PLXNA1: variants seen among roughly 807,000 people sequenced by gnomAD.
PLXNA1 encodes plexin A1.
Under a neutral mutation model 191.7 loss-of-function variants are expected in PLXNA1, and 77 were observed. The observed-to-expected ratio is 0.40, with a 90% CI of 0.33 to 0.49. PLXNA1 has a LOEUF of 0.49. Ranked by LOEUF, PLXNA1 falls within the 20% of genes least tolerant of loss-of-function variation. The pLI is 0.63. For missense variants in PLXNA1, 2,110 were observed against 2,660.2 expected, an observed-to-expected ratio of 0.79 and a Z score of 4.55; for synonymous variants, 1,137 against 1,156.4, an observed-to-expected ratio of 0.98 and a Z score of 0.34.
At chr3:127,028,111 GGGTGCCCT>G in intron 24 of PLXNA1, 25 bp downstream of exon 24, 1 of 1,613,736 alleles carries the variant, frequency 6.2e-7, no homozygotes, top group African/African-American at 1.3e-5. Flanking sequence ...CCTCTGTCCT[GGGTGCCCT>G]GGTGCCCCCC....
At chr3:127,001,338 G>T (rs1175456287) in intron 3 of PLXNA1, among the ~76,000 whole-genome samples, 2 of 152,176 alleles carry the variant, frequency 1.3e-5, no homozygotes, top group Non-Finnish European at 2.9e-5. Flanking sequence ...GGCTGTTGGG[G>T]AGGTGGGTCA....
At chr3:127,013,239 C>T (rs1180882247) in intron 10 of PLXNA1, among the ~76,000 whole-genome samples, 2 of 152,342 alleles carry the variant, frequency 1.3e-5, no homozygotes, top group African/African-American at 4.8e-5. Context: ...CTGCACTTTC[C>T]ACCTGCGTCT....
In PLXNA1 at chr3:127,007,822, C is replaced by A; in HGVS notation, c.2021C>A (p.Ser674Tyr). The part of the protein sequence containing the change: ...HQSCLSCVNG[S>Y]FPCHWCKYRH... Reference sequence around the variant, plus strand: ...AGCTGCCTGTCCTGTGTCAACGGCTCCTTTCCCTGCCACTGGTGCAAATAC... The same window carrying A: ...AGCTGCCTGTCCTGTGTCAACGGCTACTTTCCCTGCCACTGGTGCAAATAC... The change falls in exon 9 of 32, where the codon TCC becomes TAC. Residue 674 changes from serine to tyrosine, a missense_variant. Transcript: ENST00000393409. 6.2e-7 allele frequency: 1 copy of A among 1,612,894 alleles called. No homozygotes were observed. Among genetic ancestry groups the A allele is most frequent in the South Asian group, 1.1e-5 (1 of 90,900 alleles).
At chr3:126,993,322 C>G (rs1380247848) in intron 3 of PLXNA1, among the ~76,000 whole-genome samples, 1 of 152,228 alleles carries the variant, frequency 6.6e-6, no homozygotes, top group Admixed American at 6.5e-5. Flanking sequence ...ATTCCTTCTC[C>G]CAATTTTCCC....
chr3:127,007,185 A>G (rs11927964), intron 8 of PLXNA1, among the ~76,000 whole-genome samples: 5,112 of 152,104 alleles, frequency 0.034, 284 homozygotes, highest in African/African-American at 0.11. Context: ...GAGGAGATGG[A>G]GGTGGTGTCT....
At chr3:127,005,345 T>C (rs753616251) in intron 7 of PLXNA1, 102 bp downstream of exon 7, 3 of 1,375,436 alleles carry the variant, frequency 2.2e-6, no homozygotes, top group Non-Finnish European at 2.9e-6. Flanking sequence ...TCCAAGGGCA[T>C]GTTGGTGACA....
intron 2 of PLXNA1, among the ~76,000 whole-genome samples, chr3:126,990,980 C>G (rs1197106141): frequency 6.6e-6 from 1 of 152,140 alleles, no homozygotes; most frequent in Non-Finnish European, 1.5e-5. Flanking sequence ...TAGCCCTGGC[C>G]CAGCCTCCCC....
At chr3:127,019,246 A>G (rs1331242273) in intron 20 of PLXNA1, among the ~76,000 whole-genome samples, 2 of 150,876 alleles carry the variant, frequency 1.3e-5, no homozygotes, top group Non-Finnish European at 3.0e-5. Context: ...ACTGGGACTC[A>G]ACTGGGATGG....
chr3:127,001,016 C>G (rs1251688853), intron 3 of PLXNA1, among the ~76,000 whole-genome samples: 1 of 152,124 alleles, frequency 6.6e-6, no homozygotes, highest in Non-Finnish European at 1.5e-5. Context: ...GGCGGATGGA[C>G]AGCTGGACGC....
At chr3:127,007,958 A>G in intron 9 of PLXNA1, 45 bp downstream of exon 9, 2 of 1,370,950 alleles carry the variant, frequency 1.5e-6, no homozygotes, top group Non-Finnish European at 2.1e-6. Context: ...GAGGTGGAGC[A>G]GAACTGGGTT....
Position 127,018,307 on chromosome 3 carries a change from G to A in PLXNA1, c.3674G>A (p.Gly1225Asp), listed in dbSNP as rs747216583. ...ACCCACTGGCAGGTGCGGGCAGGTG[G>A]CTTCGAGTTCTCGCCAGGGACACTG... Reference protein sequence around the residue: ...GQHKVTVRAGGFEFSPGTLQV... With the variant: ...GQHKVTVRAGDFEFSPGTLQV... The change falls in exon 20 of 32, where the codon GGC becomes GAC. Residue 1225 changes from glycine (G) to aspartate (D), a missense_variant. By Grantham distance (94) the Gly-to-Asp change is moderately conservative (BLOSUM62 -1). Around this residue, in one of 4 missense-constraint regions of PLXNA1, gnomAD observed 644 missense variants for 714.3 expected, o/e 0.90. Coordinates refer to ENST00000393409, the MANE Select transcript of PLXNA1 (RefSeq NM_032242.4). 6.2e-7 allele frequency: 1 copy of A among 1,604,320 alleles called. No homozygotes were observed. The highest frequency in any genetic ancestry group is 8.5e-7 in the Non-Finnish European group (1 of 1,175,686).
At position 127,016,800 on chromosome 3, in the gene PLXNA1, C is replaced by T. The variant is rs893654973; in HGVS notation, c.3182+116C>T. ...TCCTGCATGCCGGGTACTATCCTGCCGGGAAGCACCCCTTGCCAAGAGCTT... is the reference window on the plus strand; with the variant it reads ...TCCTGCATGCCGGGTACTATCCTGCTGGGAAGCACCCCTTGCCAAGAGCTT... On this transcript the variant is annotated intron_variant, in intron 16 of 31. Coordinates refer to ENST00000393409, the MANE Select transcript of PLXNA1 (RefSeq NM_032242.4). 128 of 1,388,018 alleles carry T rather than the reference C, an allele frequency of 9.2e-5. 2 individuals are homozygous for T. Among genetic ancestry groups the T allele is most frequent in the South Asian group, 7.3e-4 (57 of 78,254 alleles). The allele number at this position is 1,388,018 out of a possible 1,614,324, so 86.0% of individuals were successfully genotyped here. A position where few individuals can be genotyped will look rare whatever the true frequency, so the allele number is the denominator to read the frequency against.
rs1447556791 is a variant in PLXNA1, at chr3:127,012,101, G to C, written c.2256G>C (p.Pro752=). ...YECLFHIPGS[P]ARVTALRFNS... The stretch of plus-strand genomic sequence containing the variant: ...GCCTCTTCCACATCCCGGGCAGCCC[G>C]GCCCGTGTCACCGCCCTGCGCTTCA... The change falls in exon 10 of 32, where the codon CCG becomes CCC. Residue 752 remains proline, a synonymous_variant. Transcript: ENST00000393409. 6.2e-7 allele frequency: 1 copy of C among 1,613,474 alleles called. No individual in the cohort carries two copies.
Position 127,005,111 on chromosome 3 carries a change from G to A in PLXNA1, c.1765G>A (p.Val589Met), listed in dbSNP as rs547309194. The change falls in exon 7 of 32, where the codon GTG becomes ATG. Residue 589 changes from valine to methionine, a missense_variant. Val to Met is a conservative substitution (Grantham distance 21). This residue lies in a region of PLXNA1 where 903 missense variants were observed against 1,015.7 expected (regional missense o/e 0.89). Coordinates refer to ENST00000393409, the MANE Select transcript of PLXNA1 (RefSeq NM_032242.4). ...CCAGCTTGTGCTGCAGGCCTGGAAC[G>A]TGCCTGACCTCTCAGCTGGCGTCAA... ...QVPLVLQAWN[V>M]PDLSAGVNCS... The A allele has an allele frequency of 4.7e-5, 76 of 1,612,758 alleles. No homozygotes were observed. Among genetic ancestry groups the A allele is most frequent in the Non-Finnish European group, 6.0e-5 (71 of 1,179,930 alleles).
At chr3:126,984,846 C>T (rs183883890) in intron 1 of PLXNA1, among the ~76,000 whole-genome samples, 1 of 152,330 alleles carries the variant, frequency 6.6e-6, no homozygotes, top group African/African-American at 2.4e-5. Flanking sequence ...GAGCAGCTGG[C>T]CGGGAGGAGC....
intron 9 of PLXNA1, 118 bp from the exon 10 acceptor site, chr3:127,011,840 G>T: frequency 1.1e-6 from 1 of 948,802 alleles, no homozygotes; most frequent in East Asian, 2.4e-5. Flanking sequence ...GCATAAAATG[G>T]GCACATTGGT....
chr3:127,016,299 G>T (rs575894731), intron 15 of PLXNA1, among the ~76,000 whole-genome samples: 19 of 152,276 alleles, frequency 1.2e-4, no homozygotes, highest in Non-Finnish European at 2.2e-4. Flanking sequence ...CAAATGCCAG[G>T]CTGGGCAACA....
chr3:127,028,605 C>T (rs779467614), intron 25 of PLXNA1, among the ~76,000 whole-genome samples: 7 of 152,026 alleles, frequency 4.6e-5, no homozygotes, highest in African/African-American at 7.2e-5. Flanking sequence ...GGGGGATACT[C>T]AGGCTCATGA....
At chr3:127,009,970 G>C (rs943235316) in intron 9 of PLXNA1, among the ~76,000 whole-genome samples, 1 of 152,208 alleles carries the variant, frequency 6.6e-6, no homozygotes, top group African/African-American at 2.4e-5. Context: ...AGTGTGGTTC[G>C]TGTCTTCACA....
Sources: gnomAD v4.1 joint callset for allele counts (sites outside exome capture counted in the v4.1 genomes callset) on GRCh38, gnomAD v4.1.1 for gene constraint, gnomAD v4.1.1 regional missense constraint, MANE v1.5 for transcripts, NCBI Gene and HGNC (gene_info 2026-07-23, HGNC 2026-07-21) for gene names.